The following SLC5A1 variants were observed in gnomAD, a reference collection of about 807,000 sequenced individuals.
The protein encoded by SLC5A1 is solute carrier family 5 member 1.
Under a neutral mutation model 73.5 loss-of-function variants are expected in SLC5A1, and 42 were observed. That is an observed-to-expected ratio of 0.57 (90% CI 0.45 to 0.74). The LOEUF (loss-of-function observed/expected upper bound fraction) is 0.74, where lower values mean the gene tolerates loss of function less well. Ranked by LOEUF, SLC5A1 falls within the 30% of genes least tolerant of loss-of-function variation. The pLI is 0.00. For missense variants in SLC5A1, 634 were observed against 855.4 expected, an observed-to-expected ratio of 0.74 and a Z score of 3.23; for synonymous variants, 300 against 317.4, an observed-to-expected ratio of 0.95 and a Z score of 0.58.
intron 5 of SLC5A1, among the ~76,000 whole-genome samples, chr22:32,080,022 A>T (rs2093997059): frequency 6.6e-6 from 1 of 152,212 alleles, no homozygotes; most frequent in Non-Finnish European, 1.5e-5. Flanking sequence ...CCCTGGAGCC[A>T]GGACTTCCTG....
rs1250125195 is a variant in SLC5A1 at position 32,070,186 on chromosome 22, GCAAA to G, written c.477+1589_477+1592del. ...CAGAGCTCTTGGCTGACCTACTGGA[GCAAA>G]CATTGTGTTTCTCTTCTCTTCTCCC... is the stretch of plus-strand genomic sequence containing the variant. On this transcript the variant is annotated intron_variant, in intron 5 of 14. Transcript: ENST00000266088. 2.8e-5 allele frequency among the ~76,000 whole-genome samples: 4 copies of G among 141,250 alleles called. No individual in the cohort carries two copies. The East Asian group carries it at 8.9e-4, about 31-fold the overall frequency. 92.7% of individuals were successfully genotyped at this position (141,250 alleles called of 152,430 possible).
Position 32,060,623 on chromosome 22 carries a change from T to G in SLC5A1, c.208-6312T>G, listed in dbSNP as rs919393198. Among the ~76,000 whole-genome samples, 2 of 152,188 alleles carry G rather than the reference T, an allele frequency of 1.3e-5. 1 individual carries two copies. The highest frequency in any genetic ancestry group is 2.9e-5 in the Non-Finnish European group (2 of 68,024). On this transcript the variant is annotated intron_variant, in intron 2 of 14. Coordinates refer to ENST00000266088, the MANE Select transcript of SLC5A1 (RefSeq NM_000343.4). ...TCTTATTCTGTCCCCCCAATTGCAG[T>G]GCAGCAGCATGATTACACTCACTGC...
intron 3 of SLC5A1, among the ~76,000 whole-genome samples, chr22:32,067,657 G>A (rs1489251439): frequency 6.6e-6 from 1 of 151,978 alleles, no homozygotes; most frequent in African/African-American, 2.4e-5. Context: ...TATTATTATT[G>A]TTATTATTAA....
chr22:32,082,414 A>G (rs1442337195), intron 6 of SLC5A1, among the ~76,000 whole-genome samples: 4 of 152,150 alleles, frequency 2.6e-5, no homozygotes, highest in Non-Finnish European at 5.9e-5. Context: ...GTCACAGCAT[A>G]CTGTGTGTTT....
chr22:32,052,478 T>C (rs2093946336), intron 2 of SLC5A1, among the ~76,000 whole-genome samples: 2 of 152,096 alleles, frequency 1.3e-5, no homozygotes, highest in African/African-American at 4.8e-5. Flanking sequence ...GGGGAGCTCA[T>C]GAATTGGAGA....
intron 11 of SLC5A1, among the ~76,000 whole-genome samples, chr22:32,095,415 G>A (rs898641200): frequency 6.6e-6 from 1 of 152,156 alleles, no homozygotes; most frequent in Non-Finnish European, 1.5e-5. Context: ...CTGTCTTGAT[G>A]ACCTGTCTAG....
chr22:32,082,628 G>A (rs1324412351), intron 6 of SLC5A1, among the ~76,000 whole-genome samples: 1 of 152,166 alleles, frequency 6.6e-6, no homozygotes, highest in Non-Finnish European at 1.5e-5. Flanking sequence ...CCTCCTTGGT[G>A]GGGGTGGGAG....
Position 32,111,649 on chromosome 22 carries a change from G to A in SLC5A1, c.*1436G>A, listed in dbSNP as rs2093518791. ...GGTGAGGCAAGGCAGGGTAGGGCAG[G>A]GCCTTTGGGTAGGCTGATCAGAGGG... On this transcript the variant is annotated 3_prime_UTR_variant, in exon 15 of 15. Coordinates refer to ENST00000266088, the MANE Select transcript of SLC5A1 (RefSeq NM_000343.4). The A allele has an allele frequency of 6.6e-6, 1 of 152,188 alleles. No individual in the cohort carries two copies. Among genetic ancestry groups the A allele is most frequent in the South Asian group, 2.1e-4 (1 of 4,832 alleles). 9.4% of individuals were successfully genotyped at this position (152,188 alleles called of 1,614,324 possible).
intron 2 of SLC5A1, among the ~76,000 whole-genome samples, chr22:32,051,633 G>A (rs946039078): frequency 6.6e-6 from 1 of 151,974 alleles, no homozygotes; most frequent in African/African-American, 2.4e-5. Context: ...TCCAGCCTGG[G>A]GGACAGAGTG....
chr22:32,090,191 T>C (rs571742028), intron 10 of SLC5A1, among the ~76,000 whole-genome samples: 1 of 152,270 alleles, frequency 6.6e-6, no homozygotes, highest in Admixed American at 6.5e-5. Flanking sequence ...TCAGTGGTTT[T>C]TTAAGTATAT....
intron 2 of SLC5A1, among the ~76,000 whole-genome samples, chr22:32,060,186 CATAT>C (rs139595102): frequency 0.039 from 3,459 of 88,682 alleles, 86 homozygotes; most frequent in African/African-American, 0.11. Context: ...CACACACACA[CATAT>C]ATATATATAT....
At chr22:32,057,391 C>T (rs892976777) in intron 2 of SLC5A1, among the ~76,000 whole-genome samples, 10 of 152,088 alleles carry the variant, frequency 6.6e-5, no homozygotes, top group Non-Finnish European at 1.2e-4. Flanking sequence ...CTCAGCCTCC[C>T]GAGTATCTGG....
At chr22:32,082,729 C>T (rs2094001929) in intron 6 of SLC5A1, among the ~76,000 whole-genome samples, 1 of 152,196 alleles carries the variant, frequency 6.6e-6, no homozygotes, top group Admixed American at 6.5e-5. Context: ...TCTCCACAGC[C>T]AGCTCTTTGC....
intron 2 of SLC5A1, among the ~76,000 whole-genome samples, chr22:32,065,133 G>A (rs1224349652): frequency 2.0e-5 from 3 of 151,870 alleles, no homozygotes; most frequent in African/African-American, 7.3e-5. Flanking sequence ...TTTTTGTAGT[G>A]GCCGGGTCTC....
chr22:32,095,576 G>A lies in SLC5A1; in HGVS notation c.1281-3607G>A, dbSNP rs142852187. 2.4e-4 allele frequency among the ~76,000 whole-genome samples: 37 copies of A among 152,230 alleles called. No homozygotes were observed. The East Asian group carries it at 6.9e-3, about 29-fold the overall frequency. On this transcript the variant is annotated intron_variant, in intron 11 of 14. Coordinates refer to ENST00000266088, the MANE Select transcript of SLC5A1 (RefSeq NM_000343.4). ...TTGTGACATTTTCCCCTTGGACAAG[G>A]CCTTTTATCATTATATAATGTTCCT...
intron 5 of SLC5A1, among the ~76,000 whole-genome samples, chr22:32,074,235 G>T (rs2093987318): frequency 6.6e-6 from 1 of 152,074 alleles, no homozygotes; most frequent in South Asian, 2.1e-4. Context: ...GGCAGGGGTG[G>T]TCATATAAAT....
At position 32,100,604 on chromosome 22, in the gene SLC5A1, A is replaced by G. The variant is rs913353675; in HGVS notation, c.1449+1253A>G. On this transcript the variant is annotated intron_variant, in intron 12 of 14. Coordinates refer to ENST00000266088, the MANE Select transcript of SLC5A1 (RefSeq NM_000343.4). ...CAAATTTATTGATTTTTTTTGAGAC[A>G]GGAATCTCACTGTATTGCCAAGGCT... is the stretch of plus-strand genomic sequence containing the variant. Among the ~76,000 whole-genome samples, 8 of 152,258 alleles carry G rather than the reference A, an allele frequency of 5.3e-5. No individual in the cohort carries two copies. In the East Asian group the frequency reaches 1.3e-3, roughly 26 times the overall value.
chr22:32,077,869 T>C (rs1603123477), intron 5 of SLC5A1, among the ~76,000 whole-genome samples: 1 of 152,220 alleles, frequency 6.6e-6, no homozygotes, highest in South Asian at 2.1e-4. Flanking sequence ...GAATATATTC[T>C]GTTTTAAAAT....
intron 14 of SLC5A1, among the ~76,000 whole-genome samples, chr22:32,105,617 T>TAC (rs775943443): frequency 5.3e-5 from 8 of 152,174 alleles, no homozygotes; most frequent in Non-Finnish European, 1.0e-4. Flanking sequence ...TTTTAAAATG[T>TAC]ACAATTAAGT....
Sources: allele counts gnomAD v4.1 joint callset (sites outside exome capture counted in the v4.1 genomes callset), GRCh38; gene constraint gnomAD v4.1.1; transcripts MANE v1.5; gene names NCBI Gene and HGNC (gene_info 2026-07-23, HGNC 2026-07-21).